The following ATXN10 variants were observed in gnomAD, a reference collection of about 807,000 sequenced individuals.
ATXN10 encodes ataxin 10.
Under a neutral mutation model 52.9 loss-of-function variants are expected in ATXN10, and 28 were observed. That is an observed-to-expected ratio of 0.53 (90% CI 0.39 to 0.73). The LOEUF (loss-of-function observed/expected upper bound fraction) is 0.73. Among genes scored for constraint, ATXN10 ranks in the 30% least tolerant of loss-of-function variants. The pLI is 0.00. For missense variants in ATXN10, 565 were observed against 577.0 expected, an observed-to-expected ratio of 0.98 and a Z score of 0.21; for synonymous variants, 226 against 221.5, an observed-to-expected ratio of 1.02 and a Z score of -0.18.
chr22:45,679,634 C>T (rs1922839489), intron 1 of ATXN10: 1 of 152,244 alleles, frequency 6.6e-6, no homozygotes, highest in South Asian at 2.1e-4. Flanking sequence ...CACGAGTCGT[C>T]AGCTTGGCTG....
At chr22:45,748,889 T>C (rs538147651) in intron 9 of ATXN10, among the ~76,000 whole-genome samples, 162 of 152,276 alleles carry the variant, frequency 1.1e-3, no homozygotes, top group African/African-American at 3.6e-3. Context: ...AGGAAACCTA[T>C]CATGGTTTAG....
rs868685154 is a variant in ATXN10, at chr22:45,844,433, C to T, written c.*762C>T. ...CTTATGTTCTGCTCTGGTGCAGTGC[C>T]GTAGATTAAAGGTACATTTCTATCT... On this transcript the variant is annotated 3_prime_UTR_variant, in exon 12 of 12. Coordinates refer to ENST00000252934, the MANE Select transcript of ATXN10 (RefSeq NM_013236.4). 3.3e-5 allele frequency: 5 copies of T among 152,168 alleles called. No individual in the cohort carries two copies. The highest frequency in any genetic ancestry group is 5.9e-5 in the Non-Finnish European group (4 of 68,056). 9.4% of individuals were successfully genotyped at this position (152,168 alleles called of 1,614,324 possible). A position where few individuals can be genotyped will look rare whatever the true frequency, so the allele number is the denominator to read the frequency against.
intron 2 of ATXN10, among the ~76,000 whole-genome samples, chr22:45,691,845 A>G (rs1370701187): frequency 4.6e-5 from 7 of 152,104 alleles, no homozygotes; most frequent in Non-Finnish European, 1.0e-4. Context: ...GTGAGCCAAG[A>G]TTGGGCTACT....
intron 5 of ATXN10, among the ~76,000 whole-genome samples, chr22:45,703,064 G>A (rs561701328): frequency 3.0e-4 from 46 of 152,340 alleles, no homozygotes; most frequent in African/African-American, 1.1e-3. Context: ...TAAGGACAAA[G>A]AGAATTCTTT....
At position 45,683,520 on chromosome 22, in the gene ATXN10, C is replaced by T. The variant is rs1227674798; in HGVS notation, c.117-6192C>T. On this transcript the variant is annotated intron_variant, in intron 1 of 11. Coordinates refer to ENST00000252934, the MANE Select transcript of ATXN10 (RefSeq NM_013236.4). This position sits in a 1 kb window ranked among gnomAD's most constrained non-coding sequence, Gnocchi z 4.8. ...TATGCCTTTGCCTCTAGTCCAAGCT[C>T]TTCTCCCAGCAAGATGCATAGTTGG... 6.6e-6 allele frequency among the ~76,000 whole-genome samples: 1 copy of T among 152,182 alleles called. No homozygotes were observed. Among genetic ancestry groups the T allele is most frequent in the African/African-American group, 2.4e-5 (1 of 41,450 alleles).
At chr22:45,695,629 G>C (rs1163675058) in intron 3 of ATXN10, among the ~76,000 whole-genome samples, 4 of 151,834 alleles carry the variant, frequency 2.6e-5, no homozygotes, top group Non-Finnish European at 5.9e-5. Flanking sequence ...GAGTAGCTGG[G>C]ATTACAGGCG....
rs1169541709 is a variant in ATXN10 at position 45,727,306 on chromosome 22, G to A, written c.729-2119G>A. Among the ~76,000 whole-genome samples the A allele has an allele frequency of 6.7e-6, 1 of 149,650 alleles. No homozygotes were observed. The highest frequency in any genetic ancestry group is 2.5e-5 in the African/African-American group (1 of 40,346). On this transcript the variant is annotated intron_variant, in intron 6 of 11. Transcript: ENST00000252934. The surrounding 1 kb of genome is among the most constrained non-coding windows in gnomAD (Gnocchi z 4.6). Reference sequence around the variant, plus strand: ...GTGGTCTGAGAAGATACTTGATATAGTTCTGTCTGTCTGTCTATCTATCTA... The same window carrying A: ...GTGGTCTGAGAAGATACTTGATATAATTCTGTCTGTCTGTCTATCTATCTA...
At chr22:45,813,272 G>C (rs926655770) in intron 10 of ATXN10, among the ~76,000 whole-genome samples, 1 of 150,394 alleles carries the variant, frequency 6.6e-6, no homozygotes, top group East Asian at 1.9e-4. Flanking sequence ...TTTATTTGAA[G>C]TGTTTTTTCT....
chr22:45,831,002 C>G (rs1417111862), intron 10 of ATXN10, among the ~76,000 whole-genome samples: 2 of 152,148 alleles, frequency 1.3e-5, no homozygotes, highest in African/African-American at 4.8e-5. Flanking sequence ...AAAATGTGGC[C>G]TCTACATTTA....
intron 6 of ATXN10, among the ~76,000 whole-genome samples, chr22:45,719,888 A>T (rs1041640637): frequency 6.6e-6 from 1 of 152,074 alleles, no homozygotes; most frequent in African/African-American, 2.4e-5. Context: ...ATTGTAGCAC[A>T]TTTCCATTAG....
rs545443331 is a variant in ATXN10 at position 45,813,645 on chromosome 22, C to T, written c.1237+6623C>T. On this transcript the variant is annotated intron_variant, in intron 10 of 11. Coordinates refer to ENST00000252934, the MANE Select transcript of ATXN10 (RefSeq NM_013236.4). ...CAGACCCACACTCAAGTTCTGCCAC[C>T]CCTTAATTTCCGAGCATTGCACTCT... 7.2e-4 allele frequency among the ~76,000 whole-genome samples: 109 copies of T among 151,902 alleles called. 1 individual carries two copies. The highest frequency in any genetic ancestry group is 1.4e-3 in the Non-Finnish European group (98 of 67,976).
chr22:45,695,121 G>C (rs1198504967), intron 3 of ATXN10, among the ~76,000 whole-genome samples: 1 of 151,652 alleles, frequency 6.6e-6, no homozygotes, highest in Non-Finnish European at 1.5e-5. Flanking sequence ...ACGAGGTCAG[G>C]AGATCTACCT....
chr22:45,830,696 A>G (rs980617287), intron 10 of ATXN10, among the ~76,000 whole-genome samples: 1 of 131,678 alleles, frequency 7.6e-6, no homozygotes, highest in Non-Finnish European at 1.7e-5. Flanking sequence ...CAAAACAAGA[A>G]AAAAAAAAAA....
rs1337846325 is a variant in ATXN10, at chr22:45,677,266, G to C, written c.116+5087G>C. Reference sequence around the variant, plus strand: ...ATGAAGTGGGCACATCACATTCACTGTATGCCTGGCATCTAGCATAGAGTT... The same window carrying C: ...ATGAAGTGGGCACATCACATTCACTCTATGCCTGGCATCTAGCATAGAGTT... On this transcript the variant is annotated intron_variant, in intron 1 of 11. Transcript: ENST00000252934. The surrounding 1 kb of genome is among the most constrained non-coding windows in gnomAD (Gnocchi z 4.1). The C allele has an allele frequency of 6.6e-6, 1 of 152,170 alleles. No individual in the cohort carries two copies. The highest frequency in any genetic ancestry group is 1.5e-5 in the Non-Finnish European group (1 of 68,044). 9.4% of individuals were successfully genotyped at this position (152,170 alleles called of 1,614,324 possible). A position where few individuals can be genotyped will look rare whatever the true frequency, so the allele number is the denominator to read the frequency against.
At position 45,842,385 on chromosome 22, in the gene ATXN10, C is replaced by A. The variant is rs1002905705; in HGVS notation, c.1238-606C>A. Reference sequence around the variant, plus strand: ...CAGTGAGCCCCGATGCTTTCAGGAGCCTGAGTATTCAAACTAAACACAGCA... The same window carrying A: ...CAGTGAGCCCCGATGCTTTCAGGAGACTGAGTATTCAAACTAAACACAGCA... On this transcript the variant is annotated intron_variant, in intron 10 of 11. Coordinates refer to ENST00000252934, the MANE Select transcript of ATXN10 (RefSeq NM_013236.4). The surrounding 1 kb of genome is among the most constrained non-coding windows in gnomAD (Gnocchi z 4.8). 6.6e-6 allele frequency among the ~76,000 whole-genome samples: 1 copy of A among 152,162 alleles called. No individual in the cohort carries two copies. The highest frequency in any genetic ancestry group is 6.5e-5 in the Admixed American group (1 of 15,276).
At chr22:45,798,897 A>C (rs954062989) in intron 9 of ATXN10, among the ~76,000 whole-genome samples, 3 of 152,236 alleles carry the variant, frequency 2.0e-5, no homozygotes, top group African/African-American at 4.8e-5. Flanking sequence ...AAAACATGAA[A>C]TATTTAGGAA....
At chr22:45,731,861 A>G (rs1050300564) in intron 7 of ATXN10, among the ~76,000 whole-genome samples, 2 of 152,234 alleles carry the variant, frequency 1.3e-5, no homozygotes, top group Admixed American at 1.3e-4. Context: ...TTTCTGTGAT[A>G]GGAAAGAAAG....
At chr22:45,753,934 TG>T (rs1926084246) in intron 9 of ATXN10, among the ~76,000 whole-genome samples, 1 of 152,208 alleles carries the variant, frequency 6.6e-6, no homozygotes, top group Admixed American at 6.5e-5. Flanking sequence ...CTCTGCCCTT[TG>T]TAAGCCAAAA....
chr22:45,796,999 C>T (rs1927764715), intron 9 of ATXN10, among the ~76,000 whole-genome samples: 2 of 152,126 alleles, frequency 1.3e-5, no homozygotes, highest in South Asian at 4.1e-4. Flanking sequence ...AGTGATATTT[C>T]ATAATGATTA....
Sources: gnomAD v4.1 joint callset for allele counts (sites outside exome capture counted in the v4.1 genomes callset) on GRCh38, gnomAD v4.1.1 for gene constraint, Gnocchi (gnomAD v3.1) non-coding constraint, MANE v1.5 for transcripts, NCBI Gene and HGNC (gene_info 2026-07-23, HGNC 2026-07-21) for gene names.